ADCY2: variants seen among roughly 807,000 people sequenced by gnomAD.
ADCY2 encodes the protein adenylate cyclase 2.
ADCY2 carries 31 observed loss-of-function variants against 125.2 expected under a neutral mutation model. The observed-to-expected ratio is 0.25, with a 90% CI of 0.19 to 0.33. The LOEUF is 0.33. ADCY2 is among the 10% of genes least tolerant of loss of function. The pLI is 1.00. For synonymous variants in ADCY2, 512 were observed against 548.4 expected (o/e 0.93, Z 0.93); for missense variants, 904 against 1,418.2 (o/e 0.64, Z 5.82).
chr5:7,674,108 G>A (rs1740034614), intron 4 of ADCY2, among the ~76,000 whole-genome samples: 1 of 152,090 alleles, frequency 6.6e-6, no homozygotes, highest in South Asian at 2.1e-4. Context: ...CCTAGCTTCG[G>A]TGTTGGATTG....
intron 3 of ADCY2, among the ~76,000 whole-genome samples, chr5:7,551,876 C>T (rs1278976208): frequency 2.6e-5 from 4 of 152,152 alleles, no homozygotes; most frequent in Non-Finnish European, 4.4e-5. Context: ...CTTTGAAAGC[C>T]ACTCCATAAC....
chr5:7,421,432 C>T (rs1228580032), intron 2 of ADCY2, among the ~76,000 whole-genome samples: 1 of 152,200 alleles, frequency 6.6e-6, no homozygotes, highest in Non-Finnish European at 1.5e-5. Context: ...CCATCTCTGC[C>T]TCCGTCTTCA....
intron 3 of ADCY2, among the ~76,000 whole-genome samples, chr5:7,598,281 T>C (rs1693188979): frequency 6.6e-6 from 1 of 152,160 alleles, no homozygotes; most frequent in African/African-American, 2.4e-5. Flanking sequence ...GACTCGTGGG[T>C]AACCTCACCT....
chr5:7,767,844 C>T (rs1743436053), intron 17 of ADCY2, among the ~76,000 whole-genome samples: 1 of 152,126 alleles, frequency 6.6e-6, no homozygotes, highest in South Asian at 2.1e-4. Flanking sequence ...TCCTGCCTAA[C>T]ACGGTGAAAC....
At position 7,624,098 on chromosome 5, in the gene ADCY2, C is replaced by T. The variant is rs139370176; in HGVS notation, c.571-2069C>T. On this transcript the variant is annotated intron_variant, in intron 3 of 24. Transcript: ENST00000338316. ...CTTCTAATCTGCATCATTCTGGACC[C>T]CACTTCTATTGTGCATTTGCATTTA... Among the ~76,000 whole-genome samples, 488 of 152,282 alleles carry T rather than the reference C, an allele frequency of 3.2e-3. 4 individuals are homozygous for T. Among genetic ancestry groups the T allele is most frequent in the African/African-American group, 0.011 (472 of 41,564 alleles).
intron 3 of ADCY2, among the ~76,000 whole-genome samples, chr5:7,529,055 G>T (rs1042933892): frequency 6.6e-6 from 1 of 152,198 alleles, no homozygotes; most frequent in Non-Finnish European, 1.5e-5. Flanking sequence ...TTCAACAAGA[G>T]CACTGCTCCG....
At chr5:7,588,892 C>G (rs575043682) in intron 3 of ADCY2, among the ~76,000 whole-genome samples, 3 of 151,872 alleles carry the variant, frequency 2.0e-5, no homozygotes, top group African/African-American at 7.3e-5. Flanking sequence ...TAATACGACA[C>G]GTAAGTAAGG....
In ADCY2 at chr5:7,414,567, C is replaced by T; in HGVS notation, c.211-6C>T. ...AACTTTTCCATGTATTTTTTTATCT[C>T]CTCAGGAAGTTGAAGACCATGTGGC... On this transcript the variant is annotated splice_polypyrimidine_tract_variant and splice_region_variant and intron_variant, in intron 1 of 24. Transcript: ENST00000338316. 1 of 1,604,190 alleles carries T rather than the reference C, an allele frequency of 6.2e-7. No individual in the cohort carries two copies. The highest frequency in any genetic ancestry group is 8.5e-7 in the Non-Finnish European group (1 of 1,176,306).
chr5:7,727,119 T>C, intron 13 of ADCY2, 45 bp from the exon 14 acceptor site: 1 of 1,464,510 alleles, frequency 6.8e-7, no homozygotes, highest in East Asian at 2.3e-5. Flanking sequence ...TGTGCAGCTC[T>C]TCTCTTGGAG....
At chr5:7,601,392 C>T (rs1387939177) in intron 3 of ADCY2, among the ~76,000 whole-genome samples, 7 of 152,164 alleles carry the variant, frequency 4.6e-5, no homozygotes, top group African/African-American at 1.7e-4. Flanking sequence ...GGCCTCTGTA[C>T]AGGGCAAAAG....
chr5:7,825,347 A>G (rs1745443303), intron 24 of ADCY2, among the ~76,000 whole-genome samples: 1 of 151,446 alleles, frequency 6.6e-6, no homozygotes, highest in Admixed American at 6.6e-5. Context: ...TGTGTGCTGT[A>G]ACAACACTTG....
At chr5:7,520,430 T>G (rs902912723) in intron 2 of ADCY2, among the ~76,000 whole-genome samples, 3 of 152,196 alleles carry the variant, frequency 2.0e-5, no homozygotes, top group African/African-American at 4.8e-5. Context: ...CCTCAGTGCA[T>G]GTTCTAAAGC....
intron 3 of ADCY2, among the ~76,000 whole-genome samples, chr5:7,610,066 G>A (rs1433201056): frequency 6.6e-6 from 1 of 152,148 alleles, no homozygotes; most frequent in Non-Finnish European, 1.5e-5. Context: ...AGAATTTAGG[G>A]TAGGATACTT....
At chr5:7,587,837 C>T (rs1256581516) in intron 3 of ADCY2, among the ~76,000 whole-genome samples, 4 of 152,214 alleles carry the variant, frequency 2.6e-5, no homozygotes, top group Non-Finnish European at 2.9e-5. Context: ...TTGAGAGAAT[C>T]GGTTGATTAG....
chr5:7,623,308 T>G (rs963675438), intron 3 of ADCY2, among the ~76,000 whole-genome samples: 1 of 152,204 alleles, frequency 6.6e-6, no homozygotes, highest in Non-Finnish European at 1.5e-5. Context: ...CAGCCACACC[T>G]AATAAGGAAG....
At chr5:7,813,482 G>T (rs1274019338) in intron 22 of ADCY2, among the ~76,000 whole-genome samples, 1 of 152,188 alleles carries the variant, frequency 6.6e-6, no homozygotes, top group Non-Finnish European at 1.5e-5. Flanking sequence ...ATGTTTCAGA[G>T]AACTGAGCGA....
intron 4 of ADCY2, among the ~76,000 whole-genome samples, chr5:7,665,525 C>A (rs1012326695): frequency 8.5e-5 from 13 of 152,142 alleles, no homozygotes; most frequent in Non-Finnish European, 1.8e-4. Context: ...GTGTGACTCC[C>A]CCCTTTGCAG....
intron 3 of ADCY2, among the ~76,000 whole-genome samples, chr5:7,564,858 A>G (rs922586590): frequency 3.3e-5 from 5 of 152,240 alleles, no homozygotes; most frequent in Non-Finnish European, 5.9e-5. Flanking sequence ...CACAAAAATA[A>G]CAGCCTAATG....
chr5:7,477,876 A>T (rs555052303), intron 2 of ADCY2, among the ~76,000 whole-genome samples: 1 of 152,118 alleles, frequency 6.6e-6, no homozygotes, highest in Non-Finnish European at 1.5e-5. Flanking sequence ...ATATTTAATT[A>T]CATCAGATAT....
Sources: gnomAD v4.1 joint callset for allele counts (sites outside exome capture counted in the v4.1 genomes callset) on GRCh38, gnomAD v4.1.1 for gene constraint, MANE v1.5 for transcripts, NCBI Gene and HGNC (gene_info 2026-07-23, HGNC 2026-07-21) for gene names.